DCHS2: variants seen among roughly 807,000 people sequenced by gnomAD.
DCHS2 encodes the protein protocadherin-23.
DCHS2 carries 142 observed loss-of-function variants against 182.4 expected under a neutral mutation model. That is an observed-to-expected ratio of 0.78 (90% CI 0.68 to 0.89). DCHS2 has a LOEUF of 0.89. Ranked by LOEUF, DCHS2 falls within the 40% of genes least tolerant of loss-of-function variation. The pLI is 0.00. For missense variants in DCHS2, 4,319 were observed against 4,198.6 expected (o/e 1.03, Z -0.79); for synonymous variants, 1,740 against 1,663.3 (o/e 1.05, Z -1.12).
chr4:154,369,015 A>T (rs916058991), intron 2 of DCHS2, among the ~76,000 whole-genome samples: 3 of 152,202 alleles, frequency 2.0e-5, no homozygotes, highest in Non-Finnish European at 2.9e-5. Flanking sequence ...CTGTTAATAA[A>T]CTGTATATAC....
intron 13 of DCHS2, 61 bp from the exon 14 acceptor site, chr4:154,270,074 G>C (rs1187692882): frequency 6.6e-7 from 1 of 1,523,440 alleles, no homozygotes; most frequent in Admixed American, 2.2e-5. Context: ...GGAAACACAA[G>C]AGAAAATACT....
intron 1 of DCHS2, among the ~76,000 whole-genome samples, chr4:154,469,288 T>C (rs1735364914): frequency 6.6e-6 from 1 of 152,222 alleles, no homozygotes; most frequent in Non-Finnish European, 1.5e-5. Flanking sequence ...ATTTATGACA[T>C]TTAATTTAAA....
At chr4:154,420,246 CAGATAGATAGATAGAT>C (rs35709774) in intron 1 of DCHS2, among the ~76,000 whole-genome samples, 30 of 144,852 alleles carry the variant, frequency 2.1e-4, no homozygotes, top group South Asian at 6.8e-4. Flanking sequence ...GACAGACAGA[CAGATAGATAGATAGAT>C]AGATAGATAG....
In DCHS2 at chr4:154,420,658, C is replaced by T. The variant is rs574261209; in HGVS notation, c.2053-43214G>A. ...CTTCTGCTTTTTTGCTCTATCTGGG[C>T]CCTCAACTGATGGGATAGTGCCCAC... On this transcript the variant is annotated intron_variant, in intron 1 of 19. Transcript: ENST00000357232. Among the ~76,000 whole-genome samples the T allele has an allele frequency of 3.9e-5, 6 of 152,240 alleles. No individual in the cohort carries two copies. In the South Asian group the frequency reaches 1.2e-3, roughly 32 times the overall value.
At position 154,490,508 on chromosome 4, in the gene DCHS2, T is replaced by C. The variant is rs1579134320; in HGVS notation, c.848A>G (p.Glu283Gly). The C allele has an allele frequency of 6.5e-7, 1 of 1,537,338 alleles. No homozygotes were observed. The highest frequency in any genetic ancestry group is 1.7e-4 in the Middle Eastern group (1 of 5,976). ...GTCGTTCTCATCCAGCACGCGCAGC[T>C]CCACGCTCAGGAGGCCGGTGCGCCG... ...RPRRTGLLSV[E>G]LRVLDENDNP... Residue 283 changes from glutamate to glycine, a missense_variant, in exon 1 of 20, where the codon GAG (glutamate) becomes GGG (glycine). Physicochemically the swap from Glu to Gly is moderately conservative, Grantham distance 98 (BLOSUM62 -2). Coordinates refer to ENST00000357232, the MANE Select transcript of DCHS2 (RefSeq NM_001358235.2).
intron 13 of DCHS2, among the ~76,000 whole-genome samples, chr4:154,291,624 A>T (rs1734664283): frequency 6.6e-6 from 1 of 152,196 alleles, no homozygotes; most frequent in South Asian, 2.1e-4. Context: ...TAAAAAAAGA[A>T]TGAGACCCAG....
At chr4:154,249,988 G>A (rs1284814356) in intron 16 of DCHS2, among the ~76,000 whole-genome samples, 1 of 151,948 alleles carries the variant, frequency 6.6e-6, no homozygotes, top group African/African-American at 2.4e-5. Context: ...CTGCACACAT[G>A]TCTCCTGTAA....
intron 14 of DCHS2, chr4:154,269,066 C>G (rs1733442555): frequency 1.3e-5 from 2 of 152,124 alleles, no homozygotes; most frequent in South Asian, 4.2e-4. Context: ...GAACAGGTTT[C>G]CTATACTACC....
chr4:154,481,881 C>T (rs1012583563), intron 1 of DCHS2, among the ~76,000 whole-genome samples: 2 of 152,226 alleles, frequency 1.3e-5, no homozygotes, highest in Non-Finnish European at 2.9e-5. Context: ...TACTCTTCTT[C>T]TGTCCAAATG....
chr4:154,353,201 C>A (rs1455823472), intron 3 of DCHS2, among the ~76,000 whole-genome samples: 1 of 151,810 alleles, frequency 6.6e-6, no homozygotes, highest in Non-Finnish European at 1.5e-5. Context: ...GACACTCGGG[C>A]AAAAGAAACA....
chr4:154,485,039 C>T (rs538628564), intron 1 of DCHS2, among the ~76,000 whole-genome samples: 15 of 152,184 alleles, frequency 9.9e-5, no homozygotes, highest in Non-Finnish European at 2.1e-4. Flanking sequence ...TAAAGCTCTA[C>T]AAACCACTTT....
Position 154,418,921 on chromosome 4 carries a change from A to G in DCHS2, c.2053-41477T>C, listed in dbSNP as rs141600878. On this transcript the variant is annotated intron_variant, in intron 1 of 19. Transcript: ENST00000357232. ...ATAAGGACTAAATAAAGCTGTATGC[A>G]TAGAAAAACAGCATGAATGCTGAAC... is the stretch of plus-strand genomic sequence containing the variant. Among the ~76,000 whole-genome samples, 4 of 152,376 alleles carry G rather than the reference A, an allele frequency of 2.6e-5. No homozygotes were observed. In the East Asian group the frequency reaches 5.8e-4, roughly 22 times the overall value.
chr4:154,488,081 G>T (rs115681499), intron 1 of DCHS2, among the ~76,000 whole-genome samples: 1 of 152,162 alleles, frequency 6.6e-6, no homozygotes, highest in East Asian at 1.9e-4. Context: ...GGGAGACTGA[G>T]GTGGGAGAAT....
intron 14 of DCHS2, among the ~76,000 whole-genome samples, chr4:154,266,639 G>C (rs961207247): frequency 1.5e-5 from 2 of 134,078 alleles, no homozygotes; most frequent in African/African-American, 5.7e-5. Context: ...CTGGGCAACA[G>C]AGCAAGGCTC....
In DCHS2 at chr4:154,491,036, G is replaced by T; in HGVS notation, c.320C>A (p.Ser107Tyr). Residue 107 changes from serine (S) to tyrosine (Y), a missense_variant, in exon 1 of 20, where the codon TCC becomes TAC. Physicochemically the swap from Ser to Tyr is moderately radical, Grantham distance 144. Transcript: ENST00000357232. ...EGSGFFLSED[S>Y]DDSPLLDDFH... ...GTCGTCCAGCAGCGGGGAGTCATCG[G>T]AGTCCTCCGACAGAAAGAAGCCGCT... is the stretch of plus-strand genomic sequence containing the variant. 1 of 1,551,132 alleles carries T rather than the reference G, an allele frequency of 6.4e-7. No individual in the cohort carries two copies. The highest frequency in any genetic ancestry group is 2.0e-5 in the Admixed American group (1 of 51,010).
At chr4:154,306,414 G>A (rs1158616898) in intron 10 of DCHS2, among the ~76,000 whole-genome samples, 2 of 151,916 alleles carry the variant, frequency 1.3e-5, no homozygotes, top group Non-Finnish European at 2.9e-5. Flanking sequence ...AGTAACTTAA[G>A]GATCATATAA....
At chr4:154,333,545 T>C in intron 4 of DCHS2, 51 bp from the exon 5 acceptor site, 1 of 1,510,252 alleles carries the variant, frequency 6.6e-7, no homozygotes, top group Non-Finnish European at 8.9e-7. Flanking sequence ...GTGGACCCAC[T>C]GGAAACTCAG....
chr4:154,272,015 A>G (rs1578891547), intron 13 of DCHS2, among the ~76,000 whole-genome samples: 1 of 152,262 alleles, frequency 6.6e-6, no homozygotes, highest in East Asian at 1.9e-4. Flanking sequence ...CTTAAATTTC[A>G]TACATTTGTG....
At chr4:154,300,507 C>G (rs1735152022) in intron 12 of DCHS2, among the ~76,000 whole-genome samples, 1 of 61,548 alleles carries the variant, frequency 1.6e-5, no homozygotes. Context: ...GACCTCATCT[C>G]TACAAAAAAA....
Sources: gnomAD v4.1 joint callset for allele counts (sites outside exome capture counted in the v4.1 genomes callset) on GRCh38, gnomAD v4.1.1 for gene constraint, MANE v1.5 for transcripts, NCBI Gene and HGNC (gene_info 2026-07-23, HGNC 2026-07-21) for gene names.